Variants in DMC1 observed in about 807,000 individuals in gnomAD.
The protein encoded by DMC1 is DNA meiotic recombinase 1.
A neutral mutation model predicts 50.1 loss-of-function variants in DMC1; 27 were observed. The observed-to-expected ratio is 0.54, with a 90% CI of 0.40 to 0.74. The LOEUF (loss-of-function observed/expected upper bound fraction) is 0.74, where lower values mean the gene tolerates loss of function less well. Among genes scored for constraint, DMC1 ranks in the 30% least tolerant of loss-of-function variants. The pLI, the probability that DMC1 is intolerant of heterozygous loss-of-function variation, is 0.00. For synonymous variants in DMC1, 148 were observed against 136.1 expected (o/e 1.09, Z -0.61); for missense variants, 295 against 420.2 (o/e 0.70, Z 2.60).
chr22:38,542,583 T>C (rs180718305), intron 8 of DMC1, among the ~76,000 whole-genome samples: 52 of 152,298 alleles, frequency 3.4e-4, no homozygotes, highest in Non-Finnish European at 2.8e-4. Flanking sequence ...AGATATTGCA[T>C]GTTCATGAGT....
Position 38,519,779 on chromosome 22 carries a change from TACACACACAAACACAC to T in DMC1, c.*225_*240del. The T allele has an allele frequency of 2.1e-6, 1 of 466,256 alleles. No individual in the cohort carries two copies. Among genetic ancestry groups the T allele is most frequent in the South Asian group, 2.0e-5 (1 of 48,834 alleles). The allele number at this position is 466,256 out of a possible 1,614,324, so 28.9% of individuals were successfully genotyped here. ...ATATATCTACTATATATGTCAGGTATACACACACAAACACACACACACACAAACATACATATACATA... is the reference window on the plus strand; with the variant it reads ...ATATATCTACTATATATGTCAGGTATACACACACAAACATACATATACATA... On this transcript the variant is annotated 3_prime_UTR_variant, in exon 14 of 14. Transcript: ENST00000216024.
chr22:38,515,070 G>A (rs2089967263), downstream of DMC1, among the ~76,000 whole-genome samples: 1 of 148,452 alleles, frequency 6.7e-6, no homozygotes, highest in African/African-American at 2.5e-5. Flanking sequence ...GTTTCACCTT[G>A]TTGGTCAGGC....
chr22:38,516,270 T>G (rs571330733), downstream of DMC1, among the ~76,000 whole-genome samples: 1 of 152,214 alleles, frequency 6.6e-6, no homozygotes, highest in South Asian at 2.1e-4. Context: ...CCCAGAGAGA[T>G]TTCCAGCCTT....
the DMC1 span, among the ~76,000 whole-genome samples, chr22:38,510,556 CCAGATATA>C: frequency 1.3e-5 from 2 of 152,184 alleles, no homozygotes; most frequent in African/African-American, 2.4e-5. Context: ...TGCCAAGACC[CCAGATATA>C]CAAGTGAGGC....
chr22:38,538,966 T>C (rs571333722), intron 9 of DMC1, among the ~76,000 whole-genome samples: 1 of 151,184 alleles, frequency 6.6e-6, no homozygotes, highest in Non-Finnish European at 1.5e-5. Flanking sequence ...AAGCCAGGAG[T>C]TGGAGGTTGC....
intron 6 of DMC1, among the ~76,000 whole-genome samples, chr22:38,554,443 G>GAAAA (rs540883900): frequency 5.8e-5 from 3 of 51,994 alleles, no homozygotes; most frequent in Non-Finnish European, 8.5e-5. Flanking sequence ...CAAGTCAACA[G>GAAAA]AAAAAAAAAA....
In DMC1 at chr22:38,566,547, A is replaced by T. The variant is rs563441978; in HGVS notation, c.243+43T>A. 8.3e-5 allele frequency: 134 copies of T among 1,610,998 alleles called. 3 individuals are homozygous for T. The South Asian group carries it at 1.4e-3, about 17-fold the overall frequency. On this transcript the variant is annotated intron_variant, in intron 4 of 13. Transcript: ENST00000216024. ...ATGAGAAAGCCTATAAAGATTCACA[A>T]GGCCCTGCCAAGCTAAAACAGCAAA...
intron 12 of DMC1, among the ~76,000 whole-genome samples, chr22:38,534,417 T>C (rs560086976): frequency 6.6e-6 from 1 of 152,124 alleles, no homozygotes. Context: ...AAAATACATA[T>C]ACAGGCTGGG....
chr22:38,544,659 C>T (rs911545858), intron 8 of DMC1, among the ~76,000 whole-genome samples: 1 of 150,768 alleles, frequency 6.6e-6, no homozygotes, highest in Non-Finnish European at 1.5e-5. Context: ...CAGAGTCTTG[C>T]TCTGTCCCCA....
chr22:38,551,970 C>G (rs1011370308), intron 7 of DMC1, among the ~76,000 whole-genome samples: 9 of 150,974 alleles, frequency 6.0e-5, no homozygotes, highest in Non-Finnish European at 1.2e-4. Context: ...ACGCCATTCT[C>G]CTGCCTCAGC....
the DMC1 span, among the ~76,000 whole-genome samples, chr22:38,512,104 A>G: frequency 6.6e-6 from 1 of 151,996 alleles, no homozygotes; most frequent in South Asian, 2.1e-4. Flanking sequence ...CCTCCTGAGT[A>G]ACTGGGAGTA....
the DMC1 span, among the ~76,000 whole-genome samples, chr22:38,511,216 AAAG>A: frequency 6.6e-6 from 1 of 152,188 alleles, no homozygotes; most frequent in Non-Finnish European, 1.5e-5. Flanking sequence ...TGAGGAAGTA[AAAG>A]AAGATTTTGT....
intron 4 of DMC1, 102 bp downstream of exon 4, chr22:38,566,488 A>C: frequency 1.6e-6 from 2 of 1,287,250 alleles, no homozygotes; most frequent in East Asian, 2.4e-5. Context: ...TGTGATCTAC[A>C]GGAACTCAGT....
At chr22:38,524,890 C>G (rs925213104) in intron 12 of DMC1, among the ~76,000 whole-genome samples, 1 of 151,908 alleles carries the variant, frequency 6.6e-6, no homozygotes, top group Non-Finnish European at 1.5e-5. Flanking sequence ...GGAGAAACCC[C>G]GTCTCTACTA....
chr22:38,509,716 C>A, the DMC1 span, among the ~76,000 whole-genome samples: 1 of 152,022 alleles, frequency 6.6e-6, no homozygotes, highest in Admixed American at 6.6e-5. Flanking sequence ...GTCGCCCAGG[C>A]TGGAGTGCAA....
At chr22:38,541,399 C>T (rs764108674) in intron 8 of DMC1, among the ~76,000 whole-genome samples, 31 of 152,158 alleles carry the variant, frequency 2.0e-4, no homozygotes, top group African/African-American at 7.5e-4. Flanking sequence ...TCAAGTGATT[C>T]TCTTGCCTGA....
chr22:38,554,181 G>A (rs565932727), intron 6 of DMC1, among the ~76,000 whole-genome samples: 6 of 152,082 alleles, frequency 3.9e-5, no homozygotes, highest in African/African-American at 1.4e-4. Flanking sequence ...CCACAGGAAA[G>A]AAAGCCTGGG....
At chr22:38,529,697 G>A (rs2145818441) in intron 12 of DMC1, among the ~76,000 whole-genome samples, 1 of 152,260 alleles carries the variant, frequency 6.6e-6, no homozygotes, top group South Asian at 2.1e-4. Context: ...AAGATACCTG[G>A]GTTCAAATCC....
intron 7 of DMC1, among the ~76,000 whole-genome samples, chr22:38,550,930 CAAAAAAAAAA>C (rs60295497): frequency 1.7e-5 from 1 of 57,784 alleles, no homozygotes; most frequent in East Asian, 4.4e-4. Flanking sequence ...GACTCCATCT[CAAAAAAAAAA>C]AAAAAAAAAG....
Sources: allele counts gnomAD v4.1 joint callset (sites outside exome capture counted in the v4.1 genomes callset), GRCh38; gene constraint gnomAD v4.1.1; transcripts MANE v1.5; gene names NCBI Gene and HGNC (gene_info 2026-07-23, HGNC 2026-07-21).